The following ATM variants were observed in gnomAD, a reference collection of about 807,000 sequenced individuals.
ATM encodes the protein ATM serine/threonine kinase.
Under a neutral mutation model 387.0 loss-of-function variants are expected in ATM, and 308 were observed. The observed-to-expected ratio is 0.80, with a 90% CI of 0.73 to 0.87. ATM has a LOEUF of 0.87. ATM is among the 40% of genes least tolerant of loss of function. The pLI is 0.00. For missense variants in ATM, 3,312 were observed against 3,560.9 expected (o/e 0.93, Z 1.78); for synonymous variants, 1,156 against 1,187.3 (o/e 0.97, Z 0.54).
chr11:108,260,187 A>G (rs1347820137), intron 16 of ATM, among the ~76,000 whole-genome samples: 1 of 151,942 alleles, frequency 6.6e-6, no homozygotes, highest in African/African-American at 2.4e-5. Context: ...GATGTGTGCC[A>G]CCACAACCGG....
At chr11:108,357,773 T>C (rs1040172269) in intron 61 of ATM, among the ~76,000 whole-genome samples, 16 of 151,998 alleles carry the variant, frequency 1.1e-4, no homozygotes, top group Admixed American at 5.2e-4. Context: ...AGAAAGGATA[T>C]CCACACCAAA....
intron 22 of ATM, among the ~76,000 whole-genome samples, chr11:108,274,739 A>G (rs1000231270): frequency 1.3e-5 from 2 of 151,154 alleles, no homozygotes; most frequent in Non-Finnish European, 3.0e-5. Flanking sequence ...AGAGACTGTT[A>G]CGATTTCCAT....
intron 5 of ATM, chr11:108,236,084 A>G (rs1267629002): frequency 1.4e-5 from 7 of 490,274 alleles, no homozygotes; most frequent in Admixed American, 6.7e-5. Context: ...TACCATCTCC[A>G]TCGTCAAGGA....
chr11:108,244,161 T>C (rs556925466), intron 6 of ATM, 43 bp downstream of exon 6: 3 of 1,606,798 alleles, frequency 1.9e-6, no homozygotes, highest in African/African-American at 1.3e-5. Context: ...TGAAATACTT[T>C]TGATCTTGCA....
At chr11:108,332,710 G>A (rs890848495) in intron 52 of ATM, 52 bp from the exon 53 acceptor site, 94 of 1,578,342 alleles carry the variant, frequency 6.0e-5, no homozygotes, top group Non-Finnish European at 7.7e-5. Context: ...ACTCTGAGAA[G>A]TTTAAATGTT....
Position 108,310,265 on chromosome 11 carries a change from C to G in ATM, c.5868C>G (p.Leu1956=), listed in dbSNP as rs540054724. Residue 1956 remains leucine, a synonymous_variant, in exon 39 of 63, where the codon CTC becomes CTG. Coordinates refer to ENST00000675843, the MANE Select transcript of ATM (RefSeq NM_000051.4). ...QSCAAHFTAL[L]YAEIYADKKS... ...GTGCTGCTCACTTTACAGCTTTACT[C>G]TATGCAGAAATCTATGCAGATAAGA... The G allele has an allele frequency of 6.2e-7, 1 of 1,613,354 alleles. No individual in the cohort carries two copies. Among genetic ancestry groups the G allele is most frequent in the South Asian group, 1.1e-5 (1 of 91,058 alleles).
intron 37 of ATM, among the ~76,000 whole-genome samples, chr11:108,306,689 A>T (rs2083712471): frequency 6.6e-6 from 1 of 152,162 alleles, no homozygotes; most frequent in Non-Finnish European, 1.5e-5. Context: ...GGAAATACAT[A>T]TTTTTGTAAA....
chr11:108,330,508 T>A (rs1383130641), intron 50 of ATM, 87 bp downstream of exon 50: 1 of 1,341,690 alleles, frequency 7.5e-7, no homozygotes, highest in Non-Finnish European at 1.1e-6. Context: ...GTATACCTCT[T>A]TGTATTCCTA....
Position 108,259,018 on chromosome 11 carries a change from C to T in ATM, c.2409C>T (p.Phe803=), listed in dbSNP as rs1416444032. 1 of 1,613,796 alleles carries T rather than the reference C, an allele frequency of 6.2e-7. No individual in the cohort carries two copies. Among genetic ancestry groups the T allele is most frequent in the Admixed American group, 1.7e-5 (1 of 60,016 alleles). Residue 803 remains phenylalanine, a synonymous_variant, in exon 16 of 63, where the codon TTC becomes TTT. Transcript: ENST00000675843. The part of the protein sequence containing the change: ...KSPNKIASGF[F]LRLLTSKLMN... ...CAAATAAGATTGCATCTGGCTTTTT[C>T]CTGCGATTGTTAACATCAAAGCTAA...
intron 31 of ATM, 108 bp downstream of exon 31, chr11:108,293,585 G>A: frequency 6.7e-6 from 7 of 1,042,756 alleles, no homozygotes; most frequent in Non-Finnish European, 1.0e-5. Flanking sequence ...CTTTAATTGT[G>A]ATTAAAAATA....
At chr11:108,361,345 T>C (rs1369125947) in intron 61 of ATM, among the ~76,000 whole-genome samples, 5 of 149,226 alleles carry the variant, frequency 3.4e-5, no homozygotes, top group African/African-American at 1.2e-4. Context: ...GTAGGAAGAA[T>C]CAATATTGTG....
chr11:108,353,915 T>C, intron 60 of ATM, 35 bp downstream of exon 60: 1 of 1,574,736 alleles, frequency 6.4e-7, no homozygotes, highest in South Asian at 1.1e-5. Flanking sequence ...GAAATAATTT[T>C]TGATGTCAAA....
chr11:108,327,752 A>G lies in ATM; in HGVS notation c.7083A>G (p.Leu2361=). ...CTGCGGTCATCATGCAGACCTATCTAGAAAAGGTAAGATTTTTGGAGCAAC... is the reference window on the plus strand; with the variant it reads ...CTGCGGTCATCATGCAGACCTATCTGGAAAAGGTAAGATTTTTGGAGCAAC... ...ENPAVIMQTY[L]EKAVEVAGNY... is the part of the protein sequence containing the mutation. The change falls in exon 48 of 63, where the codon CTA becomes CTG. Residue 2361 remains leucine, a synonymous_variant. Transcript: ENST00000675843. 1 of 1,612,882 alleles carries G rather than the reference A, an allele frequency of 6.2e-7. No individual in the cohort carries two copies. Among genetic ancestry groups the G allele is most frequent in the South Asian group, 1.1e-5 (1 of 91,034 alleles).
At position 108,368,903 on chromosome 11, in the gene ATM, G is replaced by A. The variant is rs4987113; in HGVS notation, c.*3395G>A. On this transcript the variant is annotated 3_prime_UTR_variant, in exon 63 of 63. Coordinates refer to ENST00000675843, the MANE Select transcript of ATM (RefSeq NM_000051.4). ...GCAAAGAGGAAAAACTTTGGACAGC[G>A]TAAAGACTAGAATAGTCTTTTAAAA... The A allele has an allele frequency of 4.5e-4, 87 of 195,394 alleles. 1 individual carries two copies. The East Asian group carries it at 6.6e-3, about 15-fold the overall frequency. The allele number at this position is 195,394 out of a possible 1,614,324, so 12.1% of individuals were successfully genotyped here.
chr11:108,240,079 A>T (rs1184469782), intron 5 of ATM, among the ~76,000 whole-genome samples: 1 of 152,234 alleles, frequency 6.6e-6, no homozygotes, highest in Non-Finnish European at 1.5e-5. Flanking sequence ...ATTTGTTACC[A>T]TCAGTAAACC....
Position 108,333,954 on chromosome 11 carries a change from A to G in ATM, c.7996A>G (p.Thr2666Ala), listed in dbSNP as rs745775382. ...GAATTTAGAAGATGTTGTTGTCCCT[A>G]CTATGGAAATTAAGGTAATTTGCAA... is the stretch of plus-strand genomic sequence containing the variant. Reference protein sequence around the residue: ...LKNLEDVVVPTMEIKVDHTGE... With the variant: ...LKNLEDVVVPAMEIKVDHTGE... The change falls in exon 54 of 63, where the codon ACT becomes GCT. Residue 2666 changes from threonine to alanine, a missense_variant. By Grantham distance (58) the Thr-to-Ala change is moderately conservative (BLOSUM62 0). Coordinates refer to ENST00000675843, the MANE Select transcript of ATM (RefSeq NM_000051.4). The G allele has an allele frequency of 2.5e-6, 4 of 1,609,918 alleles. No homozygotes were observed. Among genetic ancestry groups the G allele is most frequent in the Non-Finnish European group, 3.4e-6 (4 of 1,176,448 alleles).
chr11:108,363,364 C>G (rs1186323624), intron 61 of ATM, among the ~76,000 whole-genome samples: 1 of 152,188 alleles, frequency 6.6e-6, no homozygotes, highest in African/African-American at 2.4e-5. Flanking sequence ...GTATTTGTCT[C>G]TCCTGGCCTT....
intron 45 of ATM, among the ~76,000 whole-genome samples, chr11:108,321,734 G>A (rs2085243568): frequency 6.6e-6 from 1 of 151,734 alleles, no homozygotes; most frequent in Non-Finnish European, 1.5e-5. Context: ...GTTGTGGTGA[G>A]CCGAGATTGC....
rs2136339054 is a variant in ATM at position 108,326,199 on chromosome 11, AAG to A, written c.6951_6952del (p.Lys2318ValfsTer54). On this transcript the variant is annotated frameshift_variant, in exon 47 of 63. Coordinates refer to ENST00000675843, the MANE Select transcript of ATM (RefSeq NM_000051.4). LOFTEE classifies it high-confidence loss of function. ...CCTGAGTATTCTCAAGCAAATGATC[AAG>A]AAGTTGGATGCCAGCTGTGCAGCGG... is the stretch of plus-strand genomic sequence containing the variant. ...LALSILKQMI[K>X]KLDASCAANN... The A allele has an allele frequency of 6.2e-7, 1 of 1,614,174 alleles. No homozygotes were observed. Among genetic ancestry groups the A allele is most frequent in the Non-Finnish European group, 8.5e-7 (1 of 1,180,014 alleles).
Sources: gnomAD v4.1 joint callset for allele counts (sites outside exome capture counted in the v4.1 genomes callset) on GRCh38, gnomAD v4.1.1 for gene constraint, MANE v1.5 for transcripts, NCBI Gene and HGNC (gene_info 2026-07-23, HGNC 2026-07-21) for gene names.